Variants in PRKD3 observed in about 807,000 individuals in gnomAD.
PRKD3 encodes the protein serine/threonine-protein kinase D3.
Under a neutral mutation model 99.2 loss-of-function variants are expected in PRKD3, and 47 were observed. The ratio of observed to expected loss-of-function variants is 0.47; its 90% confidence interval spans 0.38 to 0.60. The LOEUF (loss-of-function observed/expected upper bound fraction) is 0.60. PRKD3 is among the 20% of genes least tolerant of loss of function. The probability of loss-of-function intolerance (pLI) is 0.00; values close to 1 mark genes in which losing one functional copy is unlikely to be tolerated. For synonymous variants in PRKD3, 392 were observed against 355.4 expected (o/e 1.10, Z -1.16); for missense variants, 1,019 against 1,088.4 (o/e 0.94, Z 0.90).
chr2:37,264,589 A>G (rs867207079), intron 14 of PRKD3, among the ~76,000 whole-genome samples: 1 of 152,214 alleles, frequency 6.6e-6, no homozygotes, highest in South Asian at 2.1e-4. Flanking sequence ...ATATTTGGGC[A>G]AAATCCTGAC....
At chr2:37,273,012 G>A (rs1669374002) in intron 11 of PRKD3, among the ~76,000 whole-genome samples, 1 of 151,962 alleles carries the variant, frequency 6.6e-6, no homozygotes, top group Non-Finnish European at 1.5e-5. Context: ...TGGAGTCAAG[G>A]GAATTGCAGG....
chr2:37,262,772 G>A (rs1668564047), intron 14 of PRKD3, among the ~76,000 whole-genome samples: 1 of 151,832 alleles, frequency 6.6e-6, no homozygotes, highest in African/African-American at 2.4e-5. Context: ...TCCTCTATTG[G>A]TTTACATTTT....
chr2:37,280,566 A>G (rs1201845990), intron 7 of PRKD3, among the ~76,000 whole-genome samples: 1 of 152,202 alleles, frequency 6.6e-6, no homozygotes, highest in African/African-American at 2.4e-5. Context: ...GGATAACTGT[A>G]TATCTACATG....
intron 17 of PRKD3, among the ~76,000 whole-genome samples, chr2:37,255,777 G>C (rs921379900): frequency 6.6e-6 from 1 of 152,168 alleles, no homozygotes; most frequent in African/African-American, 2.4e-5. Flanking sequence ...AGGTCAAGTT[G>C]GGAAGATCAA....
intron 5 of PRKD3, among the ~76,000 whole-genome samples, chr2:37,288,445 T>C (rs1670225150): frequency 6.6e-6 from 1 of 152,180 alleles, no homozygotes; most frequent in Non-Finnish European, 1.5e-5. Flanking sequence ...CTTAGCAAAA[T>C]ATTATGATCA....
At chr2:37,267,346 T>TAAAAAA in intron 14 of PRKD3, 84 bp downstream of exon 14, 1 of 784,476 alleles carries the variant, frequency 1.3e-6, no homozygotes, top group Non-Finnish European at 1.9e-6. Context: ...TTTGCCTTCT[T>TAAAAAA]AAAAAAAAAA....
intron 11 of PRKD3, 105 bp from the exon 12 acceptor site, chr2:37,272,537 A>G: frequency 1.4e-6 from 2 of 1,379,946 alleles, no homozygotes; most frequent in Admixed American, 3.0e-5. Context: ...TTTAGCACAC[A>G]GTTAATACAA....
rs1667569709 is a variant in PRKD3, at chr2:37,252,416, A to G, written c.*761T>C. The G allele has an allele frequency of 6.6e-6, 1 of 152,192 alleles. No homozygotes were observed. The highest frequency in any genetic ancestry group is 2.4e-5 in the African/African-American group (1 of 41,446). 9.4% of individuals were successfully genotyped at this position (152,192 alleles called of 1,614,324 possible). A position where few individuals can be genotyped will look rare whatever the true frequency, so the allele number is the denominator to read the frequency against. On this transcript the variant is annotated 3_prime_UTR_variant, in exon 19 of 19. Coordinates refer to ENST00000234179, the MANE Select transcript of PRKD3 (RefSeq NM_005813.6). ...GCTATGCAAAGACATACAACTCAGC[A>G]CTTAGACCAGCAGTACTCTTCCTTT...
intron 11 of PRKD3, 67 bp downstream of exon 11, chr2:37,274,354 C>A (rs966731200): frequency 2.6e-6 from 4 of 1,560,876 alleles, no homozygotes; most frequent in Admixed American, 1.7e-5. Context: ...CAAAGGAACA[C>A]AACCATACCC....
intron 2 of PRKD3, among the ~76,000 whole-genome samples, chr2:37,310,318 T>C (rs1371874593): frequency 5.3e-5 from 8 of 152,198 alleles, no homozygotes; most frequent in Admixed American, 5.2e-4. Flanking sequence ...GCATATACTG[T>C]GTGATTACTA....
chr2:37,299,898 G>GATGCAAAGAAAGGGGAATGCTT (rs1284298422), intron 2 of PRKD3, among the ~76,000 whole-genome samples: 5 of 152,134 alleles, frequency 3.3e-5, no homozygotes, highest in African/African-American at 1.2e-4. Context: ...TGTTGGTGAG[G>GATGCAAAGAAAGGGGAATGCTT]ATGCAAAGAA....
intron 9 of PRKD3, among the ~76,000 whole-genome samples, 163 bp downstream of exon 9, chr2:37,277,703 T>C (rs1012038293): frequency 6.6e-6 from 1 of 152,208 alleles, no homozygotes; most frequent in African/African-American, 2.4e-5. Context: ...CTGTTAAAAA[T>C]TCCTTACAAA....
At chr2:37,299,557 C>G in intron 2 of PRKD3, among the ~76,000 whole-genome samples, 1 of 136,222 alleles carries the variant, frequency 7.3e-6, no homozygotes, top group South Asian at 2.3e-4. Flanking sequence ...CACACACACA[C>G]ACAAGCTTCT....
intron 16 of PRKD3, 43 bp from the exon 17 acceptor site, chr2:37,256,972 T>C (rs752187361): frequency 2.1e-5 from 33 of 1,595,430 alleles, no homozygotes; most frequent in Middle Eastern, 1.7e-4. Flanking sequence ...TATAGTGTTA[T>C]ATATGTAACT....
In PRKD3 at chr2:37,274,700, G is replaced by C. The variant is rs781622730; in HGVS notation, c.1375-3C>G. On this transcript the variant is annotated splice_polypyrimidine_tract_variant and splice_region_variant and intron_variant, in intron 10 of 18. Transcript: ENST00000234179. ...AGAATTTCTGAAAGTGGAATTTCCT[G>C]AAGTAAAAAATTAAGCATTGAAAAA... is the stretch of plus-strand genomic sequence containing the variant. 2 of 1,610,204 alleles carry C rather than the reference G, an allele frequency of 1.2e-6. No individual in the cohort carries two copies. Among genetic ancestry groups the C allele is most frequent in the Non-Finnish European group, 1.7e-6 (2 of 1,177,320 alleles).
Position 37,290,867 on chromosome 2 carries a change from C to T in PRKD3, c.559+1G>A, listed in dbSNP as rs768868096. The T allele has an allele frequency of 6.3e-7, 1 of 1,583,716 alleles. No homozygotes were observed. The highest frequency in any genetic ancestry group is 8.6e-7 in the Non-Finnish European group (1 of 1,166,046). ...GACCACAAAAATTTTAGAACACACA[C>T]CTTCACATTTCAGTCCTTGACGTAC... On this transcript the variant is annotated splice_donor_variant, in intron 4 of 18. Coordinates refer to ENST00000234179, the MANE Select transcript of PRKD3 (RefSeq NM_005813.6). LOFTEE classifies it high-confidence loss of function.
chr2:37,285,000 C>T (rs757089867), intron 6 of PRKD3, among the ~76,000 whole-genome samples: 2 of 152,120 alleles, frequency 1.3e-5, no homozygotes, highest in Non-Finnish European at 2.9e-5. Context: ...CTTACTCTGT[C>T]TTGTAAGCAA....
chr2:37,254,853 T>C (rs966903006), intron 17 of PRKD3, among the ~76,000 whole-genome samples: 10 of 152,222 alleles, frequency 6.6e-5, no homozygotes, highest in African/African-American at 2.2e-4. Context: ...GTTTACACTT[T>C]TAACAAATAG....
chr2:37,272,475 TATTA>T (rs1343091261), intron 11 of PRKD3, 43 bp from the exon 12 acceptor site: 10 of 1,564,312 alleles, frequency 6.4e-6, no homozygotes, highest in Non-Finnish European at 8.6e-6. Context: ...ATGACAATAT[TATTA>T]ATCTTTACTG....
Sources: gnomAD v4.1 joint callset for allele counts (sites outside exome capture counted in the v4.1 genomes callset) on GRCh38, gnomAD v4.1.1 for gene constraint, MANE v1.5 for transcripts, NCBI Gene and HGNC (gene_info 2026-07-23, HGNC 2026-07-21) for gene names.